LHFPL3: variants seen among roughly 807,000 people sequenced by gnomAD.
LHFPL3 encodes the protein LHFPL tetraspan subfamily member 3.
LHFPL3 carries 5 observed loss-of-function variants against 19.3 expected under a neutral mutation model. That is an observed-to-expected ratio of 0.26 (90% CI 0.14 to 0.54). LHFPL3 has a LOEUF of 0.54. Ranked by LOEUF, LHFPL3 falls within the 20% of genes least tolerant of loss-of-function variation. The pLI is 0.94. For synonymous variants in LHFPL3, 133 were observed against 126.2 expected (o/e 1.05, Z -0.36); for missense variants, 249 against 307.4 (o/e 0.81, Z 1.42).
At chr7:104,656,628 G>C (rs1287633851) in intron 1 of LHFPL3, among the ~76,000 whole-genome samples, 1 of 152,196 alleles carries the variant, frequency 6.6e-6, no homozygotes, top group Non-Finnish European at 1.5e-5. Context: ...TGCTCAACCT[G>C]AGGAGAGCTT....
chr7:104,899,554 A>G (rs1022200617), intron 2 of LHFPL3, among the ~76,000 whole-genome samples: 2 of 152,226 alleles, frequency 1.3e-5, no homozygotes, highest in African/African-American at 4.8e-5. Flanking sequence ...TTTCCCACAC[A>G]GGAAGGAGAG....
rs75595735 is a variant in LHFPL3 at position 104,372,673 on chromosome 7, G to A, written c.445+43449G>A. ...CAGGGTCTTCATTTGTAAAATAGGA[G>A]TGATAATACAGTATTGTGAGATCCA... On this transcript the variant is annotated intron_variant, in intron 1 of 2. Transcript: ENST00000424859. 6.7e-3 allele frequency among the ~76,000 whole-genome samples: 1,021 copies of A among 152,242 alleles called. 69 individuals carry two copies. The East Asian group carries it at 0.16, about 24-fold the overall frequency.
intron 1 of LHFPL3, among the ~76,000 whole-genome samples, chr7:104,458,307 G>A (rs1792587493): frequency 1.3e-5 from 2 of 152,188 alleles, no homozygotes; most frequent in South Asian, 4.1e-4. Flanking sequence ...GTGTAAGGAA[G>A]GGATCCAGTT....
At chr7:104,523,624 C>T (rs1460250551) in intron 1 of LHFPL3, among the ~76,000 whole-genome samples, 3 of 152,126 alleles carry the variant, frequency 2.0e-5, no homozygotes, top group Non-Finnish European at 4.4e-5. Context: ...GTTTAGTACA[C>T]ATATAGTCAC....
At chr7:104,340,020 C>T (rs768593054) in intron 1 of LHFPL3, among the ~76,000 whole-genome samples, 6 of 152,150 alleles carry the variant, frequency 3.9e-5, no homozygotes, top group Non-Finnish European at 8.8e-5. Flanking sequence ...TAATAATAGA[C>T]TTGAGCAGTT....
In LHFPL3 at chr7:104,735,699, C is replaced by T. The variant is rs553854410; in HGVS notation, c.446-976C>T. On this transcript the variant is annotated intron_variant, in intron 1 of 2. Coordinates refer to ENST00000424859, the MANE Select transcript of LHFPL3 (RefSeq NM_199000.3). ...CAATGCATCGCCCTGCTTCAGCTTACGCTCGGTGCACTGCACCCACTGTCT... is the reference window on the plus strand; with the variant it reads ...CAATGCATCGCCCTGCTTCAGCTTATGCTCGGTGCACTGCACCCACTGTCT... Among the ~76,000 whole-genome samples the T allele has an allele frequency of 5.9e-5, 9 of 152,372 alleles. No individual in the cohort carries two copies. The East Asian group carries it at 9.7e-4, about 16-fold the overall frequency.
intron 1 of LHFPL3, among the ~76,000 whole-genome samples, chr7:104,541,103 GACACACACACACAC>G (rs58831498): frequency 2.3e-4 from 31 of 134,626 alleles, no homozygotes; most frequent in East Asian, 6.7e-4. Context: ...TCCTCCCCAT[GACACACACACACAC>G]ACACACACAC....
intron 1 of LHFPL3, among the ~76,000 whole-genome samples, chr7:104,702,862 G>T (rs966637481): frequency 1.1e-4 from 17 of 152,152 alleles, no homozygotes; most frequent in African/African-American, 2.9e-4. Flanking sequence ...CTTCCACATT[G>T]TTTCATCATT....
At chr7:104,433,674 T>C (rs1038143426) in intron 1 of LHFPL3, among the ~76,000 whole-genome samples, 1 of 152,232 alleles carries the variant, frequency 6.6e-6, no homozygotes, top group African/African-American at 2.4e-5. Flanking sequence ...TGGCCTAGAA[T>C]GCCTTTTGCC....
At chr7:104,353,862 G>A (rs1390754264) in intron 1 of LHFPL3, among the ~76,000 whole-genome samples, 1 of 152,184 alleles carries the variant, frequency 6.6e-6, no homozygotes, top group Non-Finnish European at 1.5e-5. Context: ...AAAGTTATGT[G>A]ACTTGTCCAG....
intron 1 of LHFPL3, among the ~76,000 whole-genome samples, chr7:104,343,425 A>G (rs1398893730): frequency 6.8e-6 from 1 of 146,822 alleles, no homozygotes; most frequent in Non-Finnish European, 1.5e-5. Flanking sequence ...AGGCAGGAGA[A>G]TCACTTGAAC....
chr7:104,593,557 G>T (rs1218382574), intron 1 of LHFPL3, among the ~76,000 whole-genome samples: 1 of 152,128 alleles, frequency 6.6e-6, no homozygotes, highest in Non-Finnish European at 1.5e-5. Context: ...TATTAGGTCT[G>T]CTTGGTGCAG....
In LHFPL3 at chr7:104,828,363, G is replaced by GA. The variant is rs146934681; in HGVS notation, c.683-77818dup. Among the ~76,000 whole-genome samples the GA allele has an allele frequency of 6.1e-3, 929 of 151,972 alleles. 6 individuals are homozygous for GA. The highest frequency in any genetic ancestry group is 0.01 in the Middle Eastern group (3 of 294). ...TACTACCTGCCCACTGAATTCACAA[G>GA]AAAAAAGGTCCAGGGAAAAGCCTCA... On this transcript the variant is annotated intron_variant, in intron 2 of 2. Transcript: ENST00000424859.
chr7:104,349,323 T>C lies in LHFPL3; in HGVS notation c.445+20099T>C, dbSNP rs1282886516. ...AGTTGTCTTACCTTTTCCACTGTTGTGAAGTTTCTTTCTTTTTAATAAACC... is the reference window on the plus strand; with the variant it reads ...AGTTGTCTTACCTTTTCCACTGTTGCGAAGTTTCTTTCTTTTTAATAAACC... On this transcript the variant is annotated intron_variant, in intron 1 of 2. Coordinates refer to ENST00000424859, the MANE Select transcript of LHFPL3 (RefSeq NM_199000.3). 2.6e-5 allele frequency among the ~76,000 whole-genome samples: 4 copies of C among 152,246 alleles called. No homozygotes were observed. The East Asian group carries it at 7.7e-4, about 29-fold the overall frequency.
intron 1 of LHFPL3, among the ~76,000 whole-genome samples, chr7:104,333,058 T>C (rs1801601343): frequency 6.6e-6 from 1 of 152,036 alleles, no homozygotes; most frequent in African/African-American, 2.4e-5. Context: ...AAAATCAGGA[T>C]AGAAAGGGAA....
rs1443889797 is a variant in LHFPL3, at chr7:104,399,188, CT to C, written c.445+69965del. Among the ~76,000 whole-genome samples, 3 of 152,120 alleles carry C rather than the reference CT, an allele frequency of 2.0e-5. No individual in the cohort carries two copies. Among genetic ancestry groups the C allele is most frequent in the Non-Finnish European group, 4.4e-5 (3 of 68,032 alleles). The stretch of plus-strand genomic sequence containing the variant: ...TGAGCTGCCCCAGGAGCTGCCACCC[CT>C]GATGTCCTCTTACTTCCCTTGATAT... On this transcript the variant is annotated intron_variant, in intron 1 of 2. Coordinates refer to ENST00000424859, the MANE Select transcript of LHFPL3 (RefSeq NM_199000.3). This position sits in a 1 kb window ranked among gnomAD's most constrained non-coding sequence, Gnocchi z 4.4.
intron 2 of LHFPL3, among the ~76,000 whole-genome samples, chr7:104,771,355 T>C (rs1263318973): frequency 2.0e-5 from 3 of 152,136 alleles, no homozygotes; most frequent in African/African-American, 7.2e-5. Context: ...ATTACCTCCA[T>C]TTTGTAGGCA....
chr7:104,904,208 T>C (rs986012361), intron 2 of LHFPL3, among the ~76,000 whole-genome samples: 1 of 152,224 alleles, frequency 6.6e-6, no homozygotes, highest in East Asian at 1.9e-4. Context: ...CTGAGAGAAG[T>C]TCATTAAGAT....
chr7:104,812,984 A>AGT (rs1562801014), intron 2 of LHFPL3, among the ~76,000 whole-genome samples: 3 of 151,790 alleles, frequency 2.0e-5, no homozygotes, highest in Non-Finnish European at 2.9e-5. Flanking sequence ...GTGGTGGCTC[A>AGT]CACCTGTAAT....
Sources: allele counts gnomAD v4.1 joint callset (sites outside exome capture counted in the v4.1 genomes callset), GRCh38; gene constraint gnomAD v4.1.1; non-coding constraint Gnocchi (gnomAD v3.1); transcripts MANE v1.5; gene names NCBI Gene and HGNC (gene_info 2026-07-23, HGNC 2026-07-21).